The following SAXO1 variants were observed in gnomAD, a reference collection of about 807,000 sequenced individuals.
SAXO1 encodes stabilizer of axonemal microtubules 1.
SAXO1 carries 21 observed loss-of-function variants against 17.5 expected under a neutral mutation model. The observed-to-expected ratio is 1.20, with a 90% CI of 0.85 to 1.72. The LOEUF is 1.72. SAXO1 is among the 40% of genes most tolerant of loss of function. The pLI is 0.00. For missense variants in SAXO1, 843 were observed against 596.0 expected, an observed-to-expected ratio of 1.41 and a Z score of -4.32; for synonymous variants, 274 against 216.5, an observed-to-expected ratio of 1.27 and a Z score of -2.33.
In SAXO1 at chr9:18,928,731, C is replaced by T; in HGVS notation, c.746G>A (p.Gly249Glu). ...AGGTTTCAAGCTCTTGGCAGGCTCC[C>T]CCATCAGGCCCCGGTAGGATTGTTT... is the stretch of plus-strand genomic sequence containing the variant. ...TQKQSYRGLMGEPAKSLKPLA... is the reference protein window; with the variant it reads ...TQKQSYRGLMEEPAKSLKPLA... The change falls in exon 4 of 4, where the codon GGG (glycine) becomes GAG (glutamate). Residue 249 changes from glycine to glutamate, a missense_variant. Gly to Glu is a moderately conservative substitution (Grantham distance 98, BLOSUM62 -2). Transcript: ENST00000380534. 2 of 1,614,090 alleles carry T rather than the reference C, an allele frequency of 1.2e-6. No homozygotes were observed. Among genetic ancestry groups the T allele is most frequent in the Non-Finnish European group, 1.7e-6 (2 of 1,180,028 alleles).
Position 18,934,049 on chromosome 9 carries a change from A to AAAT in SAXO1, c.422-4997_422-4995dup, listed in dbSNP as rs67844726. Among the ~76,000 whole-genome samples, 555 of 151,710 alleles carry AAAT rather than the reference A, an allele frequency of 3.7e-3. 2 individuals carry two copies. Among genetic ancestry groups the AAAT allele is most frequent in the African/African-American group, 0.01 (418 of 41,404 alleles). ...GTGACAGAGCGAGACTCCGTCTCAAAAATAATAATAATAATAATAATAATG... is the reference window on the plus strand; with the variant it reads ...GTGACAGAGCGAGACTCCGTCTCAAAAATAATAATAATAATAATAATAATAATG... On this transcript the variant is annotated intron_variant, in intron 3 of 3. Transcript: ENST00000380534.
intron 1 of SAXO1, among the ~76,000 whole-genome samples, chr9:19,041,294 G>A (rs1208884188): frequency 2.0e-5 from 3 of 151,320 alleles, no homozygotes; most frequent in African/African-American, 7.3e-5. Flanking sequence ...AGAAACAGAA[G>A]AGGACACAAA....
chr9:18,963,780 T>G (rs1832594782), intron 1 of SAXO1, among the ~76,000 whole-genome samples: 1 of 152,200 alleles, frequency 6.6e-6, no homozygotes, highest in Admixed American at 6.5e-5. Context: ...GAATACCCTT[T>G]ATTTCTTTCT....
intron 1 of SAXO1, among the ~76,000 whole-genome samples, chr9:18,981,388 G>A (rs984834737): frequency 2.6e-5 from 4 of 152,126 alleles, no homozygotes; most frequent in African/African-American, 7.2e-5. Context: ...AAGGTCATAC[G>A]TGTGGTTGGT....
At position 19,002,564 on chromosome 9, in the gene SAXO1, C is replaced by A. The variant is rs570389831; in HGVS notation, c.38+30307G>T. 4.6e-5 allele frequency among the ~76,000 whole-genome samples: 7 copies of A among 152,310 alleles called. No homozygotes were observed. The South Asian group carries it at 1.5e-3, about 32-fold the overall frequency. ...TCCACCACAATCAAGTCAGCTTCAT[C>A]CCTGGGATACAAGGCTGGTTCAACA... On this transcript the variant is annotated intron_variant, in intron 1 of 3. Transcript: ENST00000380534.
intron 1 of SAXO1, among the ~76,000 whole-genome samples, chr9:18,952,106 T>C (rs1176424269): frequency 6.6e-6 from 1 of 152,224 alleles, no homozygotes; most frequent in African/African-American, 2.4e-5. Context: ...GAGTCAGCTA[T>C]TAAAGCTGTC....
At chr9:18,945,908 G>C (rs1285392937) in intron 2 of SAXO1, among the ~76,000 whole-genome samples, 6 of 152,272 alleles carry the variant, frequency 3.9e-5, no homozygotes, top group South Asian at 2.1e-4. Flanking sequence ...CAGCCTGAAG[G>C]TCAGCTCCAG....
At chr9:18,989,610 G>A (rs1374832725) in intron 1 of SAXO1, among the ~76,000 whole-genome samples, 1 of 151,214 alleles carries the variant, frequency 6.6e-6, no homozygotes, top group Non-Finnish European at 1.5e-5. Context: ...TTCTTCAAAT[G>A]TTTAGTACTT....
At chr9:19,020,224 G>T (rs1005652149) in intron 1 of SAXO1, among the ~76,000 whole-genome samples, 1 of 152,028 alleles carries the variant, frequency 6.6e-6, no homozygotes, top group Non-Finnish European at 1.5e-5. Context: ...AAAAGGCCAA[G>T]ATAAACCACC....
intron 1 of SAXO1, among the ~76,000 whole-genome samples, chr9:18,976,276 G>A (rs1239842206): frequency 6.6e-6 from 1 of 152,098 alleles, no homozygotes; most frequent in Non-Finnish European, 1.5e-5. Context: ...AAAACTTGAG[G>A]GCTGAAAAAG....
intron 1 of SAXO1, among the ~76,000 whole-genome samples, chr9:18,988,793 A>G (rs1458347712): frequency 1.3e-5 from 2 of 152,220 alleles, no homozygotes; most frequent in Non-Finnish European, 2.9e-5. Context: ...GCACTTTGTC[A>G]GGAATAAAAC....
intron 1 of SAXO1, among the ~76,000 whole-genome samples, chr9:18,983,957 A>G (rs1235749062): frequency 1.3e-5 from 2 of 152,256 alleles, no homozygotes; most frequent in East Asian, 3.8e-4. Context: ...TTTCTTAAAA[A>G]TAAGACTTGA....
chr9:19,027,450 C>G (rs970088304), intron 1 of SAXO1: 12 of 768,354 alleles, frequency 1.6e-5, no homozygotes, highest in Non-Finnish European at 2.9e-5. Context: ...AGGCCACTGT[C>G]TTGTCAATGA....
intron 3 of SAXO1, among the ~76,000 whole-genome samples, chr9:18,933,269 A>C (rs1831134217): frequency 6.6e-6 from 1 of 152,174 alleles, no homozygotes; most frequent in Non-Finnish European, 1.5e-5. Context: ...GCTTTCTATC[A>C]ACCAAGTGGC....
intron 1 of SAXO1, among the ~76,000 whole-genome samples, chr9:18,998,931 G>A (rs1186051951): frequency 6.6e-6 from 1 of 152,200 alleles, no homozygotes; most frequent in African/African-American, 2.4e-5. Context: ...CACCAGGCCT[G>A]CCTTACAAGA....
At chr9:18,946,370 G>C (rs57499857) in intron 2 of SAXO1, among the ~76,000 whole-genome samples, 2,869 of 149,656 alleles carry the variant, frequency 0.019, 81 homozygotes, top group African/African-American at 0.064. Flanking sequence ...AAATGAGAGA[G>C]TCAAAGACAG....
intron 1 of SAXO1, among the ~76,000 whole-genome samples, chr9:18,956,677 T>A (rs1454061406): frequency 6.6e-6 from 1 of 152,204 alleles, no homozygotes; most frequent in Non-Finnish European, 1.5e-5. Context: ...AATCTGCAGA[T>A]AACAATTTCT....
At chr9:18,935,800 G>A (rs1247827743) in intron 3 of SAXO1, among the ~76,000 whole-genome samples, 1 of 152,086 alleles carries the variant, frequency 6.6e-6, no homozygotes, top group Non-Finnish European at 1.5e-5. Context: ...GCTCACTATT[G>A]TTTTTATTGA....
chr9:19,043,935 G>A (rs538186205), intron 1 of SAXO1, among the ~76,000 whole-genome samples: 198 of 151,906 alleles, frequency 1.3e-3, no homozygotes, highest in Non-Finnish European at 2.0e-3. Context: ...ACCTGAGATC[G>A]GGAGTTCGAG....
Sources: gnomAD v4.1 joint callset for allele counts (sites outside exome capture counted in the v4.1 genomes callset) on GRCh38, gnomAD v4.1.1 for gene constraint, MANE v1.5 for transcripts, NCBI Gene and HGNC (gene_info 2026-07-23, HGNC 2026-07-21) for gene names.